Variants in PDE10A observed in about 807,000 individuals in gnomAD.
PDE10A encodes the protein cAMP and cAMP-inhibited cGMP 3',5'-cyclic phosphodiesterase 10A.
In PDE10A, 39 loss-of-function variants were observed where a neutral mutation model predicts 97.7. The ratio of observed to expected loss-of-function variants is 0.40; its 90% CI spans 0.31 to 0.52. The LOEUF is 0.52. Among genes scored for constraint, PDE10A ranks in the 20% least tolerant of loss-of-function variants. The pLI is 0.56. For missense variants in PDE10A, 731 were observed against 1,047.8 expected (o/e 0.70, Z 4.17); for synonymous variants, 371 against 376.8 (o/e 0.98, Z 0.18).
At chr6:165,872,080 C>T (rs1296801179) in intron 1 of PDE10A, among the ~76,000 whole-genome samples, 2 of 152,048 alleles carry the variant, frequency 1.3e-5, no homozygotes, top group African/African-American at 2.4e-5. Context: ...TTTGCCTTTG[C>T]AAGGTCTCAA....
intron 1 of PDE10A, among the ~76,000 whole-genome samples, chr6:165,776,037 A>C (rs1315414559): frequency 2.0e-5 from 3 of 152,252 alleles, no homozygotes; most frequent in Non-Finnish European, 4.4e-5. Flanking sequence ...AAGAAGAAAT[A>C]GGAGAAAGTA....
intron 1 of PDE10A, among the ~76,000 whole-genome samples, chr6:165,605,958 T>A (rs1787186463): frequency 1.3e-5 from 2 of 152,110 alleles, no homozygotes; most frequent in African/African-American, 2.4e-5. Flanking sequence ...TTTCTCCCTA[T>A]AATATCCTTA....
At chr6:165,549,532 G>A (rs1438845820) in intron 1 of PDE10A, among the ~76,000 whole-genome samples, 1 of 152,126 alleles carries the variant, frequency 6.6e-6, no homozygotes, top group Admixed American at 6.5e-5. Context: ...CACCGTCTTA[G>A]CCGGGATGGT....
At chr6:165,887,047 C>A (rs1781648585) in intron 1 of PDE10A, among the ~76,000 whole-genome samples, 3 of 152,104 alleles carry the variant, frequency 2.0e-5, no homozygotes, top group Admixed American at 2.0e-4. Context: ...ATACTGAAAT[C>A]ATTTTAAACA....
intron 13 of PDE10A, among the ~76,000 whole-genome samples, chr6:165,408,868 T>C (rs1433590138): frequency 1.3e-5 from 2 of 152,044 alleles, no homozygotes; most frequent in East Asian, 3.9e-4. Context: ...AAAAATATAC[T>C]GCAGTTAAAA....
At chr6:165,658,794 A>C (rs1269912970) in intron 1 of PDE10A, among the ~76,000 whole-genome samples, 1 of 152,190 alleles carries the variant, frequency 6.6e-6, no homozygotes, top group Non-Finnish European at 1.5e-5. Flanking sequence ...CCTGAGGAGG[A>C]GGCCAGAGAT....
intron 1 of PDE10A, among the ~76,000 whole-genome samples, chr6:165,855,476 A>G (rs1038527491): frequency 6.6e-6 from 1 of 151,294 alleles, no homozygotes; most frequent in African/African-American, 2.4e-5. Context: ...CTGCCCCCTA[A>G]CAGTCATTGG....
intron 1 of PDE10A, among the ~76,000 whole-genome samples, chr6:165,547,873 C>G (rs896424810): frequency 2.6e-5 from 4 of 152,200 alleles, no homozygotes; most frequent in African/African-American, 9.6e-5. Context: ...AGAAATCTTA[C>G]AAGCTTCTCA....
chr6:165,547,411 A>C (rs1783792841), intron 1 of PDE10A, among the ~76,000 whole-genome samples: 1 of 152,150 alleles, frequency 6.6e-6, no homozygotes. Context: ...TTCGCAGTGC[A>C]ATCTGCAAAT....
chr6:165,601,752 A>G lies in PDE10A; in HGVS notation c.866-58184T>C, dbSNP rs1426851875. Among the ~76,000 whole-genome samples the G allele has an allele frequency of 3.9e-5, 6 of 152,272 alleles. No homozygotes were observed. In the East Asian group the frequency reaches 1.2e-3, roughly 29 times the overall value. ...TCATTTATTTGCTCTTGGGTACATTAAAGAATCATTAGGGTCCCTCATACA... is the reference window on the plus strand; with the variant it reads ...TCATTTATTTGCTCTTGGGTACATTGAAGAATCATTAGGGTCCCTCATACA... On this transcript the variant is annotated intron_variant, in intron 1 of 21. Coordinates refer to ENST00000539869, the MANE Select transcript of PDE10A (RefSeq NM_001385079.1).
rs1377469185 is a variant in PDE10A, at chr6:165,655,626, A to C, written c.865+6321T>G. ...TTGCTCTTGTCTTGACTATGACAGT[A>C]GCATCCATGGACTCCCTGTATCCAC... On this transcript the variant is annotated intron_variant, in intron 1 of 21. Coordinates refer to ENST00000539869, the MANE Select transcript of PDE10A (RefSeq NM_001385079.1). The surrounding 1 kb of genome is among the most constrained non-coding windows in gnomAD (Gnocchi z 4.5). Among the ~76,000 whole-genome samples, 2 of 152,156 alleles carry C rather than the reference A, an allele frequency of 1.3e-5. No homozygotes were observed. The highest frequency in any genetic ancestry group is 4.8e-5 in the African/African-American group (2 of 41,430).
chr6:165,771,202 G>A (rs974475306), intron 1 of PDE10A, among the ~76,000 whole-genome samples: 1 of 152,190 alleles, frequency 6.6e-6, no homozygotes, highest in Non-Finnish European at 1.5e-5. Context: ...TACCGTGGGC[G>A]CTATGGAATT....
At chr6:165,950,102 G>T (rs894802624) in intron 1 of PDE10A, among the ~76,000 whole-genome samples, 5 of 152,034 alleles carry the variant, frequency 3.3e-5, no homozygotes, top group Non-Finnish European at 7.4e-5. Flanking sequence ...ATCATTGTTA[G>T]GTTATCTCCC....
chr6:165,843,934 G>A (rs1482319305), intron 1 of PDE10A, among the ~76,000 whole-genome samples: 2 of 152,186 alleles, frequency 1.3e-5, no homozygotes, highest in Non-Finnish European at 2.9e-5. Context: ...AGCAGCAGGA[G>A]CACCTCTGGC....
intron 2 of PDE10A, among the ~76,000 whole-genome samples, chr6:165,515,379 T>G (rs1307902276): frequency 1.3e-5 from 2 of 152,074 alleles, no homozygotes; most frequent in African/African-American, 2.4e-5. Flanking sequence ...AATAATTACA[T>G]GAAATTCTAA....
rs371543219 is a variant in PDE10A, at chr6:165,983,199, T to A, written c.-615+4330A>T. ...GCCTAGTTAAATTAAGCAGGCCGGA[T>A]CTATTAAGGTCAGGGAGGAAACCAA... On this transcript the variant is annotated intron_variant, in intron 1 of 19. Coordinates refer to the PDE10A transcript ENST00000366882. 3.3e-5 allele frequency among the ~76,000 whole-genome samples: 5 copies of A among 152,282 alleles called. No individual in the cohort carries two copies. The South Asian group carries it at 1.0e-3, about 32-fold the overall frequency.
chr6:165,411,132 G>C (rs775998625), intron 13 of PDE10A, among the ~76,000 whole-genome samples: 39 of 142,492 alleles, frequency 2.7e-4, no homozygotes, highest in Admixed American at 6.9e-4. Context: ...AAAAACAACA[G>C]GTGTATACGC....
intron 2 of PDE10A, among the ~76,000 whole-genome samples, chr6:165,512,394 ATTAT>A (rs1781556102): frequency 6.6e-6 from 1 of 151,758 alleles, no homozygotes; most frequent in African/African-American, 2.4e-5. Context: ...GTAATAAATT[ATTAT>A]TTATTAATAG....
intron 1 of PDE10A, among the ~76,000 whole-genome samples, chr6:165,814,125 A>C (rs940987481): frequency 2.0e-5 from 3 of 152,212 alleles, no homozygotes; most frequent in Admixed American, 6.5e-5. Flanking sequence ...TTACCATTTC[A>C]AAATGCAACA....
Sources: gnomAD v4.1 joint callset for allele counts (sites outside exome capture counted in the v4.1 genomes callset) on GRCh38, gnomAD v4.1.1 for gene constraint, Gnocchi (gnomAD v3.1) non-coding constraint, MANE v1.5 for transcripts, NCBI Gene and HGNC (gene_info 2026-07-23, HGNC 2026-07-21) for gene names.